Variants in CRYBG3 observed in about 807,000 individuals in gnomAD.
CRYBG3 encodes the protein crystallin beta-gamma domain containing 3, also known as very large A-kinase anchor protein.
Under a neutral mutation model 244.2 loss-of-function variants are expected in CRYBG3, and 127 were observed. The ratio of observed to expected loss-of-function variants is 0.52; its 90% CI spans 0.45 to 0.60. The LOEUF (loss-of-function observed/expected upper bound fraction) is 0.60, where lower values mean the gene tolerates loss of function less well. Among genes scored for constraint, CRYBG3 ranks in the 20% least tolerant of loss-of-function variants. CRYBG3 has a pLI of 0.00. For synonymous variants in CRYBG3, 1,132 were observed against 1,195.8 expected (o/e 0.95, Z 1.10); for missense variants, 3,325 against 3,442.5 (o/e 0.97, Z 0.85).
chr3:97,864,540 C>T lies in CRYBG3; in HGVS notation c.540C>T (p.Thr180=), dbSNP rs772569769. The change falls in exon 3 of 22, where the codon ACC becomes ACT. Residue 180 remains threonine (T), a synonymous_variant. Coordinates refer to ENST00000389622, the MANE Select transcript of CRYBG3 (RefSeq NM_153605.4). Reference sequence around the variant, plus strand: ...AGATTTTCAGTGGCTCCCTAAGAACCCAGACACATCCAACAGAAGAACAAG... The same window carrying T: ...AGATTTTCAGTGGCTCCCTAAGAACTCAGACACATCCAACAGAAGAACAAG... ...EREIFSGSLR[T]QTHPTEEQDS... is the part of the protein sequence containing the mutation. The T allele has an allele frequency of 9.1e-6, 14 of 1,535,670 alleles. No homozygotes were observed. Among genetic ancestry groups the T allele is most frequent in the Non-Finnish European group, 1.1e-5 (13 of 1,146,754 alleles).
At chr3:97,905,608 A>G (rs2039763450) in intron 15 of CRYBG3, among the ~76,000 whole-genome samples, 1 of 151,598 alleles carries the variant, frequency 6.6e-6, no homozygotes, top group African/African-American at 2.4e-5. Context: ...TTTTTCTTGT[A>G]AATTTGTTTG....
At chr3:97,846,154 A>G (rs2038897989) in intron 2 of CRYBG3, among the ~76,000 whole-genome samples, 1 of 152,122 alleles carries the variant, frequency 6.6e-6, no homozygotes, top group Admixed American at 6.6e-5. Flanking sequence ...TTCTCATTCT[A>G]TTTAACCAGT....
At chr3:97,844,397 A>T (rs1191162280) in intron 2 of CRYBG3, among the ~76,000 whole-genome samples, 1 of 152,134 alleles carries the variant, frequency 6.6e-6, no homozygotes, top group African/African-American at 2.4e-5. Flanking sequence ...CCTACTCAAG[A>T]CTTTTACTTC....
In CRYBG3 at chr3:97,942,323, A is replaced by C. The variant is rs1252857983; in HGVS notation, c.8704A>C (p.Thr2902Pro). ...TCLDVIGGRD[T>P]PGAKVALWTE... ...TCTTGATGTGATTGGTGGCCGGGAC[A>C]CACCTGGAGCTAAAGTAGCTCTATG... Residue 2902 changes from threonine to proline, a missense_variant, in exon 21 of 22, where the codon ACA becomes CCA. Physicochemically the swap from Thr to Pro is conservative, Grantham distance 38. Transcript: ENST00000389622. 6.2e-7 allele frequency: 1 copy of C among 1,611,552 alleles called. No homozygotes were observed. The highest frequency in any genetic ancestry group is 8.5e-7 in the Non-Finnish European group (1 of 1,178,450).
intron 17 of CRYBG3, among the ~76,000 whole-genome samples, chr3:97,916,413 T>C (rs1036657642): frequency 1.3e-5 from 2 of 152,184 alleles, no homozygotes; most frequent in African/African-American, 4.8e-5. Flanking sequence ...TTTTCCTTTT[T>C]ACCACATTTA....
At chr3:97,846,663 ACT>A (rs2038907093) in intron 2 of CRYBG3, among the ~76,000 whole-genome samples, 2 of 151,964 alleles carry the variant, frequency 1.3e-5, no homozygotes, top group South Asian at 4.2e-4. Context: ...TTTCAAGCAA[ACT>A]CTTAGTTTTA....
chr3:97,940,467 G>A (rs566618223), intron 19 of CRYBG3, among the ~76,000 whole-genome samples: 1 of 151,968 alleles, frequency 6.6e-6, no homozygotes, highest in East Asian at 1.9e-4. Context: ...CACATACTAC[G>A]TGTTCAATAA....
intron 17 of CRYBG3, among the ~76,000 whole-genome samples, chr3:97,927,482 G>T (rs758459136): frequency 1.2e-4 from 18 of 152,002 alleles, no homozygotes; most frequent in Non-Finnish European, 1.8e-4. Context: ...GAAAATCTAG[G>T]AAATACCATT....
At chr3:97,866,096 A>G (rs890878226) in intron 3 of CRYBG3, among the ~76,000 whole-genome samples, 20 of 152,214 alleles carry the variant, frequency 1.3e-4, no homozygotes, top group Admixed American at 1.2e-3. Flanking sequence ...ATTTATTTTC[A>G]TTATCAAGGA....
intron 3 of CRYBG3, 151 bp from the exon 4 acceptor site, chr3:97,871,691 G>T (rs2039304334): frequency 4.0e-6 from 2 of 499,578 alleles, no homozygotes; most frequent in Non-Finnish European, 3.4e-6. Context: ...TTTAATAAAG[G>T]TAAATTTAAA....
intron 15 of CRYBG3, among the ~76,000 whole-genome samples, chr3:97,907,431 A>T (rs1437666459): frequency 2.0e-5 from 3 of 151,168 alleles, no homozygotes; most frequent in African/African-American, 7.3e-5. Flanking sequence ...AGATCCTGTT[A>T]TTGGTCTATT....
rs771463445 is a variant in CRYBG3, at chr3:97,900,487, T to C, written c.8004+2T>C. 3 of 1,538,788 alleles carry C rather than the reference T, an allele frequency of 1.9e-6. No individual in the cohort carries two copies. The highest frequency in any genetic ancestry group is 1.8e-6 in the Non-Finnish European group (2 of 1,114,406). On this transcript the variant is annotated splice_donor_variant, in intron 15 of 21. Transcript: ENST00000389622. LOFTEE classifies it high-confidence loss of function. ...GGGATAAATGAACCTCCGCATTTGG[T>C]ATGTTTAAAAATATTCTTGTAATTG...
chr3:97,910,057 C>CTCAGGGG (rs1300180527), intron 15 of CRYBG3, among the ~76,000 whole-genome samples: 2 of 151,846 alleles, frequency 1.3e-5, no homozygotes, highest in Admixed American at 6.5e-5. Context: ...AGTTAGGCTG[C>CTCAGGGG]TCAGGGGTCA....
At chr3:97,847,127 A>G (rs754218962) in intron 2 of CRYBG3, among the ~76,000 whole-genome samples, 3 of 152,106 alleles carry the variant, frequency 2.0e-5, no homozygotes, top group Non-Finnish European at 2.9e-5. Context: ...GACACCACAA[A>G]GCCATCCATG....
Position 97,912,160 on chromosome 3 carries a change from C to T in CRYBG3, c.8005-7C>T, listed in dbSNP as rs752400603. On this transcript the variant is annotated splice_region_variant and splice_polypyrimidine_tract_variant and intron_variant, in intron 15 of 21. Transcript: ENST00000389622. ...TCTATTTAACTGTTGTGTTGTTGTT[C>T]TTGTAGCTCAAAGCATTCAGCAAAC... The T allele has an allele frequency of 6.6e-7, 1 of 1,521,176 alleles. No homozygotes were observed. The highest frequency in any genetic ancestry group is 9.0e-7 in the Non-Finnish European group (1 of 1,113,634). The allele number at this position is 1,521,176 out of a possible 1,614,324, so 94.2% of individuals were successfully genotyped here. A position where few individuals can be genotyped will look rare whatever the true frequency, so the allele number is the denominator to read the frequency against.
At chr3:97,933,241 C>A in intron 17 of CRYBG3, 1 of 392,054 alleles carries the variant, frequency 2.6e-6, no homozygotes, top group South Asian at 2.0e-5. Flanking sequence ...CTTTATTCTT[C>A]CTCCTAGGAA....
chr3:97,875,439 T>C lies in CRYBG3; in HGVS notation c.4245T>C (p.Asp1415=). ...LFSGNGSGLS[D]SINLQESDTV... ...CTGGAAATGGATCTGGACTGTCTGA[T>C]AGTATAAATTTGCAGGAATCAGATA... is the stretch of plus-strand genomic sequence containing the variant. Residue 1415 remains aspartate (D), a synonymous_variant, in exon 4 of 22, where the codon GAT becomes GAC. Transcript: ENST00000389622. The C allele has an allele frequency of 1.5e-6, 2 of 1,340,726 alleles. No individual in the cohort carries two copies. Among genetic ancestry groups the C allele is most frequent in the Non-Finnish European group, 1.9e-6 (2 of 1,053,532 alleles). The allele number at this position is 1,340,726 out of a possible 1,614,324, so 83.1% of individuals were successfully genotyped here. A position where few individuals can be genotyped will look rare whatever the true frequency, so the allele number is the denominator to read the frequency against.
At chr3:97,888,775 C>CA (rs889451240) in intron 9 of CRYBG3, among the ~76,000 whole-genome samples, 7 of 151,704 alleles carry the variant, frequency 4.6e-5, no homozygotes, top group Non-Finnish European at 7.4e-5. Flanking sequence ...GCACTTGAAA[C>CA]AAAAAAAACT....
intron 1 of CRYBG3, among the ~76,000 whole-genome samples, chr3:97,842,721 A>T (rs908106998): frequency 1.3e-5 from 2 of 152,152 alleles, no homozygotes; most frequent in Admixed American, 1.3e-4. Flanking sequence ...ATAAACCTAC[A>T]TCTATTTTTG....
Sources: allele counts gnomAD v4.1 joint callset (sites outside exome capture counted in the v4.1 genomes callset), GRCh38; gene constraint gnomAD v4.1.1; transcripts MANE v1.5; gene names NCBI Gene and HGNC (gene_info 2026-07-23, HGNC 2026-07-21).